Variants in PTPRN2 observed in about 807,000 individuals in gnomAD.
The protein encoded by PTPRN2 is receptor-type tyrosine-protein phosphatase N2.
Under a neutral mutation model 118.8 loss-of-function variants are expected in PTPRN2, and 74 were observed. The ratio of observed to expected loss-of-function variants is 0.62; its 90% CI spans 0.52 to 0.76. PTPRN2 has a LOEUF of 0.76. Among genes scored for constraint, PTPRN2 ranks in the 30% least tolerant of loss-of-function variants. The pLI, the probability that PTPRN2 is intolerant of heterozygous loss-of-function variation, is 0.00. For synonymous variants in PTPRN2, 641 were observed against 608.0 expected, an observed-to-expected ratio of 1.05 and a Z score of -0.80; for missense variants, 1,481 against 1,394.4, an observed-to-expected ratio of 1.06 and a Z score of -0.99.
chr7:158,492,464 G>A (rs1055393987), intron 1 of PTPRN2, among the ~76,000 whole-genome samples: 3 of 152,208 alleles, frequency 2.0e-5, no homozygotes, highest in African/African-American at 7.2e-5. Flanking sequence ...GATGTGATCT[G>A]AATGAGATGT....
At chr7:157,790,411 G>A (rs1438962393) in intron 12 of PTPRN2, among the ~76,000 whole-genome samples, 2 of 152,026 alleles carry the variant, frequency 1.3e-5, no homozygotes, top group Non-Finnish European at 2.9e-5. Context: ...AGCAATCTGG[G>A]GGCACAGGAA....
At chr7:158,431,966 C>T (rs1816241354) in intron 2 of PTPRN2, among the ~76,000 whole-genome samples, 1 of 152,264 alleles carries the variant, frequency 6.6e-6, no homozygotes, top group Admixed American at 6.5e-5. Flanking sequence ...CCAGCAGTGA[C>T]AAGCCCACCT....
chr7:158,274,609 C>T (rs1043304425), intron 3 of PTPRN2, among the ~76,000 whole-genome samples: 2 of 152,146 alleles, frequency 1.3e-5, no homozygotes, highest in African/African-American at 4.8e-5. Context: ...CCCAGCTTGT[C>T]AGCAGCCTTC....
chr7:158,225,765 T>C (rs1175103896), intron 3 of PTPRN2, among the ~76,000 whole-genome samples: 1 of 151,990 alleles, frequency 6.6e-6, no homozygotes, highest in African/African-American at 2.4e-5. Flanking sequence ...GAAAGATAAA[T>C]AGAATTCTAA....
chr7:158,123,065 G>C (rs1817304165), intron 9 of PTPRN2, among the ~76,000 whole-genome samples: 1 of 152,164 alleles, frequency 6.6e-6, no homozygotes. Context: ...CCAGGAGCTA[G>C]GGAGCCAAAT....
intron 11 of PTPRN2, among the ~76,000 whole-genome samples, chr7:157,950,845 C>T (rs575797194): frequency 3.3e-5 from 5 of 152,280 alleles, no homozygotes; most frequent in East Asian, 1.9e-4. Flanking sequence ...GAGGTGCAGA[C>T]GCGGAAGTCA....
intron 12 of PTPRN2, among the ~76,000 whole-genome samples, chr7:157,684,613 C>T (rs2150814807): frequency 6.6e-6 from 1 of 151,478 alleles, no homozygotes; most frequent in African/African-American, 2.4e-5. Context: ...GCCCCCCTCC[C>T]TCCGGCCCAC....
At chr7:158,073,981 T>C (rs2128924252) in intron 11 of PTPRN2, among the ~76,000 whole-genome samples, 1 of 152,188 alleles carries the variant, frequency 6.6e-6, no homozygotes, top group South Asian at 2.1e-4. Flanking sequence ...TCATCTCCAG[T>C]GGGCTAGGAC....
chr7:157,729,822 G>A lies in PTPRN2; in HGVS notation c.1789-46885C>T, dbSNP rs754394852. Among the ~76,000 whole-genome samples the A allele has an allele frequency of 1.2e-4, 19 of 152,198 alleles. No individual in the cohort carries two copies. Among genetic ancestry groups the A allele is most frequent in the Non-Finnish European group, 2.8e-4 (19 of 68,030 alleles). On this transcript the variant is annotated intron_variant, in intron 12 of 22. Coordinates refer to ENST00000389418, the MANE Select transcript of PTPRN2 (RefSeq NM_002847.5). This position sits in a 1 kb window ranked among gnomAD's most constrained non-coding sequence, Gnocchi z 4.3. ...CACCTGCTGGCCACGTGGAGGACGG[G>A]GAGCGGCAGGCGGATGAGGGAAGGA...
intron 1 of PTPRN2, among the ~76,000 whole-genome samples, chr7:158,534,836 G>A (rs565672097): frequency 4.1e-5 from 6 of 147,418 alleles, no homozygotes; most frequent in East Asian, 2.2e-4. Flanking sequence ...CAGCAGAGAC[G>A]ACGCCTGCAC....
intron 19 of PTPRN2, among the ~76,000 whole-genome samples, chr7:157,571,903 T>TAC (rs10690544): frequency 0.95 from 145,215 of 152,258 alleles, 69,374 homozygotes; most frequent in Middle Eastern, 1. Context: ...CAAAATTTCT[T>TAC]AGTCCAGACA....
At chr7:158,145,469 G>A (rs998916234) in intron 6 of PTPRN2, among the ~76,000 whole-genome samples, 1 of 152,216 alleles carries the variant, frequency 6.6e-6, no homozygotes, top group Non-Finnish European at 1.5e-5. Flanking sequence ...GAGAGCAGCT[G>A]GGAATGTAGA....
intron 11 of PTPRN2, 67 bp downstream of exon 11, chr7:158,081,223 CATGTGCGT>C (rs1453767116): frequency 5.8e-6 from 8 of 1,370,876 alleles, no homozygotes; most frequent in African/African-American, 1.4e-5. Flanking sequence ...CCTGGCTGTG[CATGTGCGT>C]GTTTGCGTGC....
rs1450835170 is a variant in PTPRN2, at chr7:157,598,126, A to G, written c.2419-2811T>C. ...TGTGGAGGAAATCAAGTGAGTTTCT[A>G]CTAACATTGCTTTTTCCAATGAGGG... On this transcript the variant is annotated intron_variant, in intron 16 of 22. Transcript: ENST00000389418. This position sits in a 1 kb window ranked among gnomAD's most constrained non-coding sequence, Gnocchi z 5.2. Among the ~76,000 whole-genome samples the G allele has an allele frequency of 6.6e-6, 1 of 152,160 alleles. No homozygotes were observed. The highest frequency in any genetic ancestry group is 1.9e-4 in the East Asian group (1 of 5,198).
At chr7:157,841,073 T>G (rs1162518845) in intron 12 of PTPRN2, among the ~76,000 whole-genome samples, 4 of 152,254 alleles carry the variant, frequency 2.6e-5, no homozygotes, top group Non-Finnish European at 5.9e-5. Flanking sequence ...GTGTCCGCCC[T>G]GCACTCGCTC....
chr7:158,411,870 C>T (rs1018344765), intron 2 of PTPRN2, among the ~76,000 whole-genome samples: 6 of 152,036 alleles, frequency 3.9e-5, no homozygotes. Flanking sequence ...GTTAGGCTGC[C>T]GTGAGGGTGA....
At chr7:158,221,981 T>C (rs940377372) in intron 3 of PTPRN2, among the ~76,000 whole-genome samples, 1 of 152,188 alleles carries the variant, frequency 6.6e-6, no homozygotes, top group Non-Finnish European at 1.5e-5. Context: ...AAAATGTTCA[T>C]CATTAGTAAT....
chr7:158,429,137 C>T (rs993304915), intron 2 of PTPRN2, among the ~76,000 whole-genome samples: 1 of 152,178 alleles, frequency 6.6e-6, no homozygotes, highest in African/African-American at 2.4e-5. Flanking sequence ...CGGATCCAAC[C>T]GATGTGTTTC....
rs1554461376 is a variant in PTPRN2 at position 157,827,393 on chromosome 7, C to CACAACACAACACA, written c.1788+71267_1788+71279dup. ...CACAACACAACACAACACAACACAA[C>CACAACACAACACA]ACAACACAACACAACACAGTGTGGG... On this transcript the variant is annotated intron_variant, in intron 12 of 22. Transcript: ENST00000389418. 1.2e-4 allele frequency among the ~76,000 whole-genome samples: 18 copies of CACAACACAACACA among 152,022 alleles called. 1 individual carries two copies. In the South Asian group the frequency reaches 2.5e-3, roughly 21 times the overall value.
Sources: allele counts gnomAD v4.1 joint callset (sites outside exome capture counted in the v4.1 genomes callset), GRCh38; gene constraint gnomAD v4.1.1; non-coding constraint Gnocchi (gnomAD v3.1); transcripts MANE v1.5; gene names NCBI Gene and HGNC (gene_info 2026-07-23, HGNC 2026-07-21).